The following RGS6 variants were observed in gnomAD, a reference collection of about 807,000 sequenced individuals.
RGS6 encodes the protein regulator of G protein signaling 6.
RGS6 carries 30 observed loss-of-function variants against 78.5 expected under a neutral mutation model. That is an observed-to-expected ratio of 0.38 (90% CI 0.29 to 0.52). RGS6 has a LOEUF of 0.52. RGS6 is among the 20% of genes least tolerant of loss of function. RGS6 has a pLI of 0.85. For missense variants in RGS6, 495 were observed against 609.7 expected, an observed-to-expected ratio of 0.81 and a Z score of 1.98; for synonymous variants, 206 against 206.0, an observed-to-expected ratio of 1.00 and a Z score of 0.00.
At position 72,365,442 on chromosome 14, in the gene RGS6, G is replaced by A. The variant is rs117955281; in HGVS notation, c.184+13248G>A. On this transcript the variant is annotated intron_variant, in intron 3 of 17. Transcript: ENST00000553525. ...GTTGAAGAGATGTGATTTCGTCCAC[G>A]AGTCCCTTTAAAGCTGGCTTTGTGG... Among the ~76,000 whole-genome samples, 710 of 152,326 alleles carry A rather than the reference G, an allele frequency of 4.7e-3. 5 individuals carry two copies. Among genetic ancestry groups the A allele is most frequent in the Non-Finnish European group, 9.1e-3 (617 of 68,028 alleles).
chr14:72,145,038 G>C (rs1363972570), intron 2 of RGS6, among the ~76,000 whole-genome samples: 6 of 152,060 alleles, frequency 3.9e-5, no homozygotes, highest in Non-Finnish European at 7.4e-5. Flanking sequence ...TTTTCTTGCT[G>C]TCTATGTTCC....
chr14:72,290,460 C>G (rs991392779), intron 2 of RGS6, among the ~76,000 whole-genome samples: 1 of 152,048 alleles, frequency 6.6e-6, no homozygotes, highest in Non-Finnish European at 1.5e-5. Flanking sequence ...TCCTCAGCTT[C>G]CTTCCTCTCC....
chr14:72,230,748 T>G (rs2049354107), intron 2 of RGS6, among the ~76,000 whole-genome samples: 1 of 152,160 alleles, frequency 6.6e-6, no homozygotes, highest in South Asian at 2.1e-4. Context: ...AATTTTGCTT[T>G]TAAGGCCTTC....
intron 2 of RGS6, among the ~76,000 whole-genome samples, chr14:72,302,354 C>G (rs1318836144): frequency 6.6e-6 from 1 of 152,200 alleles, no homozygotes; most frequent in East Asian, 1.9e-4. Flanking sequence ...ACAGTGCCAA[C>G]TCTTTCAACC....
rs1435930109 is a variant in RGS6 at position 72,152,239 on chromosome 14, A to AGT, written c.84+187365_84+187366insTG. On this transcript the variant is annotated intron_variant, in intron 2 of 17. Transcript: ENST00000553525. ...AGCTGCATGAGAGAGAGAGAGAGAG[A>AGT]GAGAGAGTGTGTGTGTGTGTGTGTG... Among the ~76,000 whole-genome samples, 298 of 142,538 alleles carry AGT rather than the reference A, an allele frequency of 2.1e-3. 1 individual carries two copies. Among genetic ancestry groups the AGT allele is most frequent in the African/African-American group, 7.8e-3 (295 of 37,594 alleles). 93.5% of individuals were successfully genotyped at this position (142,538 alleles called of 152,430 possible).
At chr14:72,141,892 TAAA>T (rs201568114) in intron 2 of RGS6, among the ~76,000 whole-genome samples, 1 of 145,660 alleles carries the variant, frequency 6.9e-6, no homozygotes, top group African/African-American at 2.5e-5. Flanking sequence ...CATTTTACAT[TAAA>T]AAAAAAAAAA....
chr14:72,277,693 C>T (rs922731598), intron 2 of RGS6, among the ~76,000 whole-genome samples: 16 of 152,186 alleles, frequency 1.1e-4, no homozygotes, highest in South Asian at 6.2e-4. Context: ...TTTGGGAGGC[C>T]GAGGCAGTCA....
intron 2 of RGS6, chr14:71,990,433 C>T (rs2094905085): frequency 8.3e-6 from 3 of 362,044 alleles, no homozygotes; most frequent in South Asian, 2.1e-5. Context: ...TATTGGGAAA[C>T]ACATCTTCCA....
intron 12 of RGS6, among the ~76,000 whole-genome samples, chr14:72,482,643 G>C (rs570056503): frequency 3.9e-4 from 60 of 152,242 alleles, no homozygotes; most frequent in African/African-American, 1.4e-3. Context: ...TGGGACAGTT[G>C]AGCACTCCTT....
At chr14:72,463,411 C>T (rs1462587601) in intron 6 of RGS6, among the ~76,000 whole-genome samples, 1 of 152,198 alleles carries the variant, frequency 6.6e-6, no homozygotes, top group Non-Finnish European at 1.5e-5. Context: ...TCCCACCTTC[C>T]TCATTGTGGT....
At position 72,068,566 on chromosome 14, in the gene RGS6, T is replaced by C. The variant is rs563845752; in HGVS notation, c.84+103691T>C. 4.7e-5 allele frequency among the ~76,000 whole-genome samples: 7 copies of C among 149,652 alleles called. No individual in the cohort carries two copies. The South Asian group carries it at 1.5e-3, about 32-fold the overall frequency. On this transcript the variant is annotated intron_variant, in intron 2 of 17. Coordinates refer to ENST00000553525, the MANE Select transcript of RGS6 (RefSeq NM_001204424.2). ...AGGCTGGAGTGCAGTGGCGCAATCT[T>C]GGCTAGCTGTAACCTCTGCGTCCCA... is the stretch of plus-strand genomic sequence containing the variant.
intron 2 of RGS6, among the ~76,000 whole-genome samples, chr14:72,001,500 AC>A (rs2083421777): frequency 6.7e-6 from 1 of 149,690 alleles, no homozygotes; most frequent in Non-Finnish European, 1.5e-5. Context: ...ACACACACAC[AC>A]ACACACACAC....
In RGS6 at chr14:72,454,405, C is replaced by T. The variant is rs115039023; in HGVS notation, c.185-123C>T. ...GTTGGTTAGGACAAAAAAAAGTGCC[C>T]ATATTATCCTGCTCTACAGTGTGGA... On this transcript the variant is annotated intron_variant, in intron 3 of 17. Transcript: ENST00000553525. The T allele has an allele frequency of 2.4e-4, 234 of 969,238 alleles. 1 individual carries two copies. In the African/African-American group the frequency reaches 3.4e-3, roughly 14 times the overall value. The allele number at this position is 969,238 out of a possible 1,614,324, so 60.0% of individuals were successfully genotyped here. A position where few individuals can be genotyped will look rare whatever the true frequency, so the allele number is the denominator to read the frequency against.
At chr14:72,573,580 C>G in the RGS6 span, among the ~76,000 whole-genome samples, 1 of 152,194 alleles carries the variant, frequency 6.6e-6, no homozygotes, top group South Asian at 2.1e-4. Flanking sequence ...CACTAGGATT[C>G]TGGGAAGGGG....
intron 2 of RGS6, among the ~76,000 whole-genome samples, chr14:72,188,517 C>T (rs550727953): frequency 6.6e-5 from 10 of 151,562 alleles, no homozygotes; most frequent in East Asian, 3.9e-4. Context: ...AATGAAAATA[C>T]GGGAGAAGAA....
intron 2 of RGS6, among the ~76,000 whole-genome samples, chr14:72,173,757 C>T (rs539694007): frequency 6.6e-6 from 1 of 152,202 alleles, no homozygotes; most frequent in South Asian, 2.1e-4. Context: ...CCTTCCCGTC[C>T]CCTCCTCTCC....
chr14:71,912,682 T>C, the RGS6 span, among the ~76,000 whole-genome samples: 1 of 152,194 alleles, frequency 6.6e-6, no homozygotes, highest in East Asian at 1.9e-4. Flanking sequence ...TTTCTCAGCC[T>C]TGTGGTCCCA....
rs745632026 is a variant in RGS6, at chr14:72,223,485, A to G, written c.85-128610A>G. Among the ~76,000 whole-genome samples the G allele has an allele frequency of 3.8e-4, 58 of 152,206 alleles. 1 individual carries two copies. The highest frequency in any genetic ancestry group is 3.1e-4 in the Non-Finnish European group (21 of 68,036). On this transcript the variant is annotated intron_variant, in intron 2 of 17. Coordinates refer to ENST00000553525, the MANE Select transcript of RGS6 (RefSeq NM_001204424.2). ...TTGTGAACAAATCTGTTGGTGTTCA[A>G]CTTCTAATTTGTGTGATAATTTGTT...
intron 2 of RGS6, among the ~76,000 whole-genome samples, chr14:71,998,618 A>G (rs1376417398): frequency 1.3e-5 from 2 of 152,234 alleles, no homozygotes; most frequent in African/African-American, 2.4e-5. Context: ...TGAACAGTCA[A>G]ATAGAAGCCA....
Sources: gnomAD v4.1 joint callset for allele counts (sites outside exome capture counted in the v4.1 genomes callset) on GRCh38, gnomAD v4.1.1 for gene constraint, MANE v1.5 for transcripts, NCBI Gene and HGNC (gene_info 2026-07-23, HGNC 2026-07-21) for gene names.